The following SENP7 variants were observed in gnomAD, a reference collection of about 807,000 sequenced individuals.
SENP7 encodes the protein SUMO specific peptidase 7, also known as sentrin-specific protease 7.
In SENP7, 64 loss-of-function variants were observed where a neutral mutation model predicts 141.2. That is an observed-to-expected ratio of 0.45 (90% confidence interval 0.37 to 0.56). The LOEUF (loss-of-function observed/expected upper bound fraction) is 0.56, where lower values mean the gene tolerates loss of function less well. SENP7 is among the 20% of genes least tolerant of loss of function. The pLI is 0.00. For synonymous variants in SENP7, 382 were observed against 426.4 expected, an observed-to-expected ratio of 0.90 and a Z score of 1.28; for missense variants, 1,025 against 1,212.2, an observed-to-expected ratio of 0.85 and a Z score of 2.29.
rs968139453 is a variant in SENP7, at chr3:101,367,346, T to C, written c.978+484A>G. Among the ~76,000 whole-genome samples, 4 of 151,982 alleles carry C rather than the reference T, an allele frequency of 2.6e-5. No individual in the cohort carries two copies. In the South Asian group the frequency reaches 6.2e-4, roughly 24 times the overall value. On this transcript the variant is annotated intron_variant, in intron 8 of 23. Transcript: ENST00000394095. ...TACTTATATACTAAGTCTTTGAAAA[T>C]AGAAAATGTATGTATTTAATATGAT...
chr3:101,365,474 A>G (rs2060011774), intron 9 of SENP7, among the ~76,000 whole-genome samples: 1 of 151,376 alleles, frequency 6.6e-6, no homozygotes, highest in Admixed American at 6.6e-5. Flanking sequence ...TGTCTCTAGC[A>G]AAAATACAAA....
At chr3:101,328,770 C>G in intron 20 of SENP7, 81 bp from the exon 21 acceptor site, 1 of 1,096,964 alleles carries the variant, frequency 9.1e-7, no homozygotes. Flanking sequence ...TAAAGTGTTT[C>G]AAACTTTGAA....
intron 4 of SENP7, among the ~76,000 whole-genome samples, chr3:101,446,789 G>A (rs2062914058): frequency 6.6e-6 from 1 of 152,010 alleles, no homozygotes; most frequent in African/African-American, 2.4e-5. Context: ...GAAATGCACA[G>A]CAATAAATGC....
chr3:101,446,328 G>A (rs892769568), intron 4 of SENP7, among the ~76,000 whole-genome samples: 3 of 152,178 alleles, frequency 2.0e-5, no homozygotes, highest in African/African-American at 4.8e-5. Flanking sequence ...ATAGCAATGT[G>A]AGAATGGACT....
intron 1 of SENP7, among the ~76,000 whole-genome samples, chr3:101,506,935 C>T (rs2065641858): frequency 6.6e-6 from 1 of 152,068 alleles, no homozygotes; most frequent in Non-Finnish European, 1.5e-5. Context: ...ATAGTGCGGG[C>T]CTGTAGTCCT....
intron 6 of SENP7, among the ~76,000 whole-genome samples, chr3:101,378,547 T>C (rs866667750): frequency 6.6e-6 from 1 of 151,948 alleles, no homozygotes; most frequent in Non-Finnish European, 1.5e-5. Context: ...TAACAGAATA[T>C]TGAAGAAATG....
chr3:101,427,677 A>C (rs1468116288), intron 4 of SENP7, among the ~76,000 whole-genome samples: 3 of 152,004 alleles, frequency 2.0e-5, no homozygotes, highest in Admixed American at 1.3e-4. Flanking sequence ...CTTTTGAAGA[A>C]AAGAATATCA....
At chr3:101,362,472 A>AT (rs1559719004) in intron 10 of SENP7, among the ~76,000 whole-genome samples, 1 of 152,052 alleles carries the variant, frequency 6.6e-6, no homozygotes, top group Admixed American at 6.6e-5. Context: ...GCACTTTAAA[A>AT]TTTTTTTATT....
intron 16 of SENP7, among the ~76,000 whole-genome samples, chr3:101,338,656 C>A (rs968591955): frequency 3.3e-5 from 5 of 151,986 alleles, no homozygotes; most frequent in African/African-American, 9.7e-5. Context: ...TATTAAACAC[C>A]GAATGTATGT....
At chr3:101,421,355 T>C (rs1203581610) in intron 4 of SENP7, among the ~76,000 whole-genome samples, 1 of 151,612 alleles carries the variant, frequency 6.6e-6, no homozygotes, top group Non-Finnish European at 1.5e-5. Context: ...AACTGTACAA[T>C]TTAAAATTCT....
intron 4 of SENP7, among the ~76,000 whole-genome samples, chr3:101,448,946 C>T (rs1231151141): frequency 6.6e-6 from 1 of 151,902 alleles, no homozygotes; most frequent in Admixed American, 6.6e-5. Context: ...GGAGGAAGTT[C>T]GAACCCATGG....
At chr3:101,374,617 A>G (rs1168643914) in intron 6 of SENP7, among the ~76,000 whole-genome samples, 1 of 151,650 alleles carries the variant, frequency 6.6e-6, no homozygotes. Context: ...ACACACACAC[A>G]AAATTTAATA....
At chr3:101,482,673 A>G (rs969376051) in intron 3 of SENP7, among the ~76,000 whole-genome samples, 1 of 152,200 alleles carries the variant, frequency 6.6e-6, no homozygotes, top group Non-Finnish European at 1.5e-5. Context: ...ATAAAGCTAC[A>G]CTAATCAAGA....
At chr3:101,356,874 T>A (rs546072512) in intron 11 of SENP7, among the ~76,000 whole-genome samples, 9 of 152,318 alleles carry the variant, frequency 5.9e-5, no homozygotes, top group Admixed American at 3.9e-4. Context: ...CAAGTAAAGG[T>A]ACTACAACCC....
chr3:101,501,448 T>C (rs1052491701), intron 1 of SENP7, among the ~76,000 whole-genome samples: 1 of 152,000 alleles, frequency 6.6e-6, no homozygotes, highest in Non-Finnish European at 1.5e-5. Flanking sequence ...CACCTAGTAG[T>C]AGAACCATTT....
chr3:101,361,325 T>C (rs1365349711), intron 11 of SENP7, among the ~76,000 whole-genome samples: 2 of 152,168 alleles, frequency 1.3e-5, no homozygotes, highest in African/African-American at 4.8e-5. Context: ...TAGGATTAGT[T>C]CCTGGATATC....
chr3:101,360,412 TTC>T (rs1247072440), intron 11 of SENP7, among the ~76,000 whole-genome samples: 2 of 152,360 alleles, frequency 1.3e-5, no homozygotes, highest in South Asian at 2.1e-4. Flanking sequence ...TTGTACATAT[TTC>T]TGTTTTATAT....
At position 101,499,535 on chromosome 3, in the gene SENP7, A is replaced by ATTTTTTTTTTTTTT. The variant is rs55855998; in HGVS notation, c.90+1521_90+1534dup. 3.5e-3 allele frequency among the ~76,000 whole-genome samples: 482 copies of ATTTTTTTTTTTTTT among 138,656 alleles called. 14 individuals are homozygous for ATTTTTTTTTTTTTT. Among genetic ancestry groups the ATTTTTTTTTTTTTT allele is most frequent in the African/African-American group, 0.011 (411 of 36,646 alleles). 91.0% of individuals were successfully genotyped at this position (138,656 alleles called of 152,430 possible). A position where few individuals can be genotyped will look rare whatever the true frequency, so the allele number is the denominator to read the frequency against. The stretch of plus-strand genomic sequence containing the variant: ...AGGCACCTGCCATCATGCCCAGCTA[A>ATTTTTTTTTTTTTT]TTTTTTTTTTTTTTCTTGGAGACAG... On this transcript the variant is annotated intron_variant, in intron 2 of 23. Transcript: ENST00000394095.
At chr3:101,374,163 C>T (rs1429144357) in intron 6 of SENP7, among the ~76,000 whole-genome samples, 1 of 152,016 alleles carries the variant, frequency 6.6e-6, no homozygotes, top group East Asian at 1.9e-4. Context: ...AATATATGCT[C>T]AAAAGATTTT....
Sources: allele counts gnomAD v4.1 joint callset (sites outside exome capture counted in the v4.1 genomes callset), GRCh38; gene constraint gnomAD v4.1.1; transcripts MANE v1.5; gene names NCBI Gene and HGNC (gene_info 2026-07-23, HGNC 2026-07-21).